The following MED13L variants were observed in gnomAD, a reference collection of about 807,000 sequenced individuals.
The protein encoded by MED13L is mediator of RNA polymerase II transcription subunit 13-like.
MED13L carries 7 observed loss-of-function variants against 220.9 expected under a neutral mutation model. That is an observed-to-expected ratio of 0.03 (90% confidence interval 0.02 to 0.06). MED13L has a LOEUF of 0.06. MED13L is among the 10% of genes least tolerant of loss of function. The pLI, the probability that MED13L is intolerant of heterozygous loss-of-function variation, is 1.00. For missense variants in MED13L, 1,965 were observed against 2,760.5 expected (o/e 0.71, Z 6.46); for synonymous variants, 1,011 against 1,015.2 (o/e 1.00, Z 0.08).
At chr12:116,181,545 T>C (rs1880526431) in intron 2 of MED13L, among the ~76,000 whole-genome samples, 3 of 152,196 alleles carry the variant, frequency 2.0e-5, no homozygotes, top group Admixed American at 6.5e-5. Context: ...TTCACTCTTG[T>C]TGCCCAGGAT....
At chr12:115,978,016 T>TG (rs763797778) in intron 23 of MED13L, among the ~76,000 whole-genome samples, 2 of 151,310 alleles carry the variant, frequency 1.3e-5, no homozygotes, top group African/African-American at 4.9e-5. Context: ...ATAAAAAAAT[T>TG]GGGGGGAAGA....
chr12:116,277,021 T>C (rs1873921603), intron 1 of MED13L, 39 bp downstream of exon 1: 53 of 1,118,790 alleles, frequency 4.7e-5, no homozygotes, highest in Non-Finnish European at 6.3e-5. Context: ...CCCCCCCCCT[T>C]CCCCGGCACA....
At chr12:116,130,633 T>C (rs1407445826) in intron 2 of MED13L, among the ~76,000 whole-genome samples, 1 of 152,158 alleles carries the variant, frequency 6.6e-6, no homozygotes, top group Non-Finnish European at 1.5e-5. Context: ...CCAATGCACT[T>C]GATGGGTGTG....
chr12:116,213,469 T>C (rs2138361280), intron 2 of MED13L, among the ~76,000 whole-genome samples: 1 of 152,334 alleles, frequency 6.6e-6, no homozygotes, highest in Middle Eastern at 3.4e-3. Flanking sequence ...TGGAGTGCAA[T>C]GGCGCAATCT....
chr12:115,994,513 A>G (rs552300466), intron 16 of MED13L, among the ~76,000 whole-genome samples: 4 of 152,320 alleles, frequency 2.6e-5, no homozygotes, highest in Admixed American at 1.3e-4. Flanking sequence ...ATAAAGTTGT[A>G]TAATAGAGCC....
At chr12:116,194,636 A>G (rs1217794665) in intron 2 of MED13L, among the ~76,000 whole-genome samples, 5 of 152,258 alleles carry the variant, frequency 3.3e-5, no homozygotes, top group Non-Finnish European at 7.3e-5. Flanking sequence ...TGAACTGCAT[A>G]AAGAGAAATA....
chr12:116,166,220 C>T (rs1879258014), intron 2 of MED13L, among the ~76,000 whole-genome samples: 1 of 151,724 alleles, frequency 6.6e-6, no homozygotes. Context: ...TGAGTGTCAA[C>T]TTGATTGGAT....
intron 1 of MED13L, among the ~76,000 whole-genome samples, chr12:116,275,757 A>C (rs1343277698): frequency 6.6e-6 from 1 of 152,224 alleles, no homozygotes; most frequent in Non-Finnish European, 1.5e-5. Context: ...CAAAAAAAAC[A>C]GGGTACACAA....
At chr12:116,013,707 G>C (rs1002025535) in intron 8 of MED13L, among the ~76,000 whole-genome samples, 1 of 152,216 alleles carries the variant, frequency 6.6e-6, no homozygotes, top group Non-Finnish European at 1.5e-5. Flanking sequence ...GCGAAAAGCA[G>C]ATCGCTTTAT....
At chr12:116,171,103 T>C (rs1232362944) in intron 2 of MED13L, among the ~76,000 whole-genome samples, 2 of 152,266 alleles carry the variant, frequency 1.3e-5, no homozygotes, top group African/African-American at 2.4e-5. Flanking sequence ...TCATATTTTA[T>C]AAAAATAGTT....
intron 2 of MED13L, among the ~76,000 whole-genome samples, chr12:116,163,064 A>C (rs1400939056): frequency 6.6e-6 from 1 of 152,186 alleles, no homozygotes; most frequent in Non-Finnish European, 1.5e-5. Flanking sequence ...TTAATGCAAA[A>C]TACAATTATT....
At chr12:116,102,959 G>A (rs999787276) in intron 3 of MED13L, among the ~76,000 whole-genome samples, 3 of 151,634 alleles carry the variant, frequency 2.0e-5, no homozygotes, top group Non-Finnish European at 4.4e-5. Context: ...CTTGTGATCC[G>A]CCTGTCTCAG....
chr12:116,129,860 G>T (rs971081698), intron 2 of MED13L, among the ~76,000 whole-genome samples: 5 of 149,968 alleles, frequency 3.3e-5, no homozygotes, highest in African/African-American at 1.2e-4. Context: ...AGTGAGCCGA[G>T]ATCGTGCCAC....
chr12:115,983,082 C>T (rs1177642163), intron 21 of MED13L, 35 bp downstream of exon 21: 1 of 1,598,916 alleles, frequency 6.3e-7, no homozygotes, highest in Non-Finnish European at 8.6e-7. Flanking sequence ...AGGGTCTGAG[C>T]TGAAGCCACT....
intron 1 of MED13L, among the ~76,000 whole-genome samples, chr12:116,244,972 G>T (rs770002467): frequency 9.2e-5 from 14 of 152,048 alleles, no homozygotes; most frequent in Non-Finnish European, 1.5e-4. Context: ...TAAAAGAAAA[G>T]AAAATAAAAT....
At chr12:115,984,938 A>G (rs2137281068) in intron 19 of MED13L, among the ~76,000 whole-genome samples, 1 of 152,000 alleles carries the variant, frequency 6.6e-6, no homozygotes, top group African/African-American at 2.4e-5. Context: ...ATGGGTGCTT[A>G]TGGCAGGGAA....
At chr12:115,966,337 G>T in intron 28 of MED13L, 94 bp from the exon 29 acceptor site, 1 of 1,387,530 alleles carries the variant, frequency 7.2e-7, no homozygotes, top group Non-Finnish European at 1.0e-6. Flanking sequence ...TGCAGTGAGT[G>T]ATCCCCTTTG....
At chr12:116,231,949 A>G in intron 2 of MED13L, 1 of 259,416 alleles carries the variant, frequency 3.9e-6, no homozygotes, top group Non-Finnish European at 6.0e-6. Flanking sequence ...ACTGTAATCT[A>G]TAGATACAGA....
At chr12:116,162,932 G>A (rs897557720) in intron 2 of MED13L, among the ~76,000 whole-genome samples, 4 of 152,144 alleles carry the variant, frequency 2.6e-5, no homozygotes, top group African/African-American at 4.8e-5. Context: ...ACAAGGTCTT[G>A]TTATATTGTC....
Sources: allele counts gnomAD v4.1 joint callset (sites outside exome capture counted in the v4.1 genomes callset), GRCh38; gene constraint gnomAD v4.1.1; transcripts MANE v1.5; gene names NCBI Gene and HGNC (gene_info 2026-07-23, HGNC 2026-07-21).